The following KIRREL1 variants were observed in gnomAD, a reference collection of about 807,000 sequenced individuals.
The protein encoded by KIRREL1 is kin of IRRE-like protein 1.
In KIRREL1, 25 loss-of-function variants were observed where a neutral mutation model predicts 83.3. The observed-to-expected ratio is 0.30, with a 90% CI of 0.22 to 0.42. The LOEUF (loss-of-function observed/expected upper bound fraction) is 0.42. Among genes scored for constraint, KIRREL1 ranks in the 10% least tolerant of loss-of-function variants. The pLI, the probability that KIRREL1 is intolerant of heterozygous loss-of-function variation, is 1.00. For synonymous variants in KIRREL1, 388 were observed against 410.4 expected, an observed-to-expected ratio of 0.95 and a Z score of 0.66; for missense variants, 812 against 1,032.3, an observed-to-expected ratio of 0.79 and a Z score of 2.92.
chr1:158,045,114 C>A (rs567612024), intron 1 of KIRREL1, among the ~76,000 whole-genome samples: 1 of 152,242 alleles, frequency 6.6e-6, no homozygotes, highest in African/African-American at 2.4e-5. Flanking sequence ...GAAAATGCAC[C>A]TGGTGTGTTT....
chr1:158,022,622 T>C (rs906486446), intron 1 of KIRREL1, among the ~76,000 whole-genome samples: 3 of 152,206 alleles, frequency 2.0e-5, no homozygotes, highest in African/African-American at 7.2e-5. Context: ...TGCTTCCCAC[T>C]ATGGTTAAAA....
chr1:158,081,720 C>T (rs887205973), intron 3 of KIRREL1, among the ~76,000 whole-genome samples: 7 of 152,250 alleles, frequency 4.6e-5, no homozygotes, highest in South Asian at 4.1e-4. Context: ...ATATGAGGGA[C>T]GAGCTCATAT....
intron 1 of KIRREL1, among the ~76,000 whole-genome samples, chr1:158,007,293 G>A (rs1034178740): frequency 2.0e-5 from 3 of 152,168 alleles, no homozygotes; most frequent in African/African-American, 2.4e-5. Flanking sequence ...GGTCATCAGC[G>A]AGGGACGTTT....
In KIRREL1 at chr1:158,097,383, T is replaced by C; in HGVS notation, c.*2263T>C. Reference sequence around the variant, plus strand: ...CTAGATTCTCTTATTTATCCCCTTTTAGCTTAAGTATTAGTTTCATTCTAC... The same window carrying C: ...CTAGATTCTCTTATTTATCCCCTTTCAGCTTAAGTATTAGTTTCATTCTAC... On this transcript the variant is annotated 3_prime_UTR_variant, in exon 15 of 15. Transcript: ENST00000359209. The C allele has an allele frequency of 3.4e-6, 1 of 296,008 alleles. No homozygotes were observed. The allele number at this position is 296,008 out of a possible 1,614,324, so 18.3% of individuals were successfully genotyped here.
In KIRREL1 at chr1:158,081,125, C is replaced by A. The variant is rs1430217492; in HGVS notation, c.352+2985C>A. 2.1e-5 allele frequency among the ~76,000 whole-genome samples: 3 copies of A among 142,000 alleles called. 1 individual carries two copies. The highest frequency in any genetic ancestry group is 7.7e-5 in the African/African-American group (3 of 38,974). 93.2% of individuals were successfully genotyped at this position (142,000 alleles called of 152,430 possible). ...TGAAAAGAAGCCTCCCACTCCCCCG[C>A]AGATGCAGACATAACATAGATATAC... is the stretch of plus-strand genomic sequence containing the variant. On this transcript the variant is annotated intron_variant, in intron 3 of 14. Transcript: ENST00000359209.
At chr1:157,999,568 T>C (rs1659297807) in intron 1 of KIRREL1, among the ~76,000 whole-genome samples, 1 of 152,122 alleles carries the variant, frequency 6.6e-6, no homozygotes, top group Non-Finnish European at 1.5e-5. Flanking sequence ...CTGGGAGATG[T>C]TTCCATCTGA....
At chr1:158,054,658 C>A (rs1437425788) in intron 1 of KIRREL1, among the ~76,000 whole-genome samples, 1 of 152,132 alleles carries the variant, frequency 6.6e-6, no homozygotes, top group Non-Finnish European at 1.5e-5. Context: ...GTCTCCCTGG[C>A]AGTAAGTGGC....
At chr1:158,079,606 C>T (rs906135761) in intron 3 of KIRREL1, among the ~76,000 whole-genome samples, 2 of 152,246 alleles carry the variant, frequency 1.3e-5, no homozygotes, top group African/African-American at 2.4e-5. Context: ...CAGGCATGGG[C>T]CACTGTGCCC....
chr1:158,016,707 G>C (rs1436546108), intron 1 of KIRREL1, among the ~76,000 whole-genome samples: 1 of 152,226 alleles, frequency 6.6e-6, no homozygotes, highest in East Asian at 1.9e-4. Flanking sequence ...GAATCAGCCT[G>C]CCTGGGATTA....
At chr1:157,995,653 CAT>C (rs1016906364) in intron 1 of KIRREL1, among the ~76,000 whole-genome samples, 8 of 152,252 alleles carry the variant, frequency 5.3e-5, no homozygotes, top group African/African-American at 1.7e-4. Flanking sequence ...ACAGGAGAGA[CAT>C]GTGGATTGAA....
At chr1:158,091,749 C>T (rs1294179235) in intron 11 of KIRREL1, among the ~76,000 whole-genome samples, 193 bp downstream of exon 11, 1 of 152,190 alleles carries the variant, frequency 6.6e-6, no homozygotes. Flanking sequence ...CTGATTCCTG[C>T]CTATTGTAAG....
At chr1:158,022,375 A>G (rs1660024262) in intron 1 of KIRREL1, among the ~76,000 whole-genome samples, 1 of 152,210 alleles carries the variant, frequency 6.6e-6, no homozygotes, top group Non-Finnish European at 1.5e-5. Flanking sequence ...CCTTAGAGGT[A>G]ATCTGTTCTA....
intron 1 of KIRREL1, among the ~76,000 whole-genome samples, chr1:158,049,194 C>T (rs1660851991): frequency 2.0e-5 from 3 of 152,242 alleles, no homozygotes; most frequent in Non-Finnish European, 2.9e-5. Context: ...AGGAGCCAGA[C>T]ATCCTTGGTC....
Position 158,094,166 on chromosome 1 carries a change from C to T in KIRREL1, c.1720-147C>T. ...GCCTCTTCCCACCACATCCCAGAGC[C>T]TCTGCTGAGAGGACCAGAACTCAAG... On this transcript the variant is annotated intron_variant, in intron 13 of 14. Coordinates refer to ENST00000359209, the MANE Select transcript of KIRREL1 (RefSeq NM_018240.7). This position sits in a 1 kb window ranked among gnomAD's most constrained non-coding sequence, Gnocchi z 4.6. The T allele has an allele frequency of 1.4e-6, 1 of 711,832 alleles. No homozygotes were observed. 44.1% of individuals were successfully genotyped at this position (711,832 alleles called of 1,614,324 possible).
intron 3 of KIRREL1, among the ~76,000 whole-genome samples, chr1:158,081,881 G>A (rs1421559528): frequency 6.6e-6 from 1 of 152,140 alleles, no homozygotes; most frequent in African/African-American, 2.4e-5. Flanking sequence ...CTTCCCAGCG[G>A]AGGGGCTTCA....
intron 3 of KIRREL1, among the ~76,000 whole-genome samples, 154 bp downstream of exon 3, chr1:158,078,294 A>C (rs370383589): frequency 6.6e-6 from 1 of 152,292 alleles, no homozygotes; most frequent in East Asian, 1.9e-4. Context: ...AGGTAGAAGA[A>C]AGTAAACCAG....
At chr1:158,014,038 G>T (rs909427202) in intron 1 of KIRREL1, among the ~76,000 whole-genome samples, 15 of 152,076 alleles carry the variant, frequency 9.9e-5, no homozygotes, top group African/African-American at 2.7e-4. Flanking sequence ...CAGGGGATTA[G>T]GACCAGTTTG....
At chr1:158,068,614 T>C (rs1411233025) in intron 1 of KIRREL1, among the ~76,000 whole-genome samples, 1 of 152,144 alleles carries the variant, frequency 6.6e-6, no homozygotes, top group Non-Finnish European at 1.5e-5. Context: ...AGCACTCCCC[T>C]CCCTTCCTCC....
chr1:158,069,282 A>G (rs1366603552), intron 1 of KIRREL1, among the ~76,000 whole-genome samples: 8 of 149,944 alleles, frequency 5.3e-5, no homozygotes. Context: ...ATGTGTCCCT[A>G]TAAGAAGTGT....
Sources: allele counts gnomAD v4.1 joint callset (sites outside exome capture counted in the v4.1 genomes callset), GRCh38; gene constraint gnomAD v4.1.1; non-coding constraint Gnocchi (gnomAD v3.1); transcripts MANE v1.5; gene names NCBI Gene and HGNC (gene_info 2026-07-23, HGNC 2026-07-21).